The following NAF1 variants were observed in gnomAD, a reference collection of about 807,000 sequenced individuals.
The protein encoded by NAF1 is H/ACA ribonucleoprotein complex non-core subunit NAF1.
A neutral mutation model predicts 40.6 loss-of-function variants in NAF1; 11 were observed. The observed-to-expected ratio is 0.27, with a 90% CI of 0.17 to 0.45. The LOEUF (loss-of-function observed/expected upper bound fraction) is 0.45. Ranked by LOEUF, NAF1 falls within the 20% of genes least tolerant of loss-of-function variation. NAF1 has a pLI of 1.00. For synonymous variants in NAF1, 260 were observed against 228.5 expected, an observed-to-expected ratio of 1.14 and a Z score of -1.24; for missense variants, 607 against 611.1, an observed-to-expected ratio of 0.99 and a Z score of 0.07.
At chr4:163,150,357 CCA>C (rs1731650297) in intron 2 of NAF1, among the ~76,000 whole-genome samples, 1 of 152,052 alleles carries the variant, frequency 6.6e-6, no homozygotes, top group Non-Finnish European at 1.5e-5. Context: ...TTTCAACCAC[CCA>C]GTGCCAAGCC....
intron 2 of NAF1, among the ~76,000 whole-genome samples, chr4:163,119,018 T>C (rs1282012847): frequency 6.6e-6 from 1 of 152,194 alleles, no homozygotes; most frequent in East Asian, 1.9e-4. Flanking sequence ...ATAAGACTTA[T>C]ATATAAACTT....
chr4:163,132,152 G>T (rs937200987), intron 7 of NAF1, among the ~76,000 whole-genome samples: 1 of 152,272 alleles, frequency 6.6e-6, no homozygotes, highest in Admixed American at 6.5e-5. Context: ...GAACAGTATG[G>T]TAGTTTCTTA....
intron 2 of NAF1, among the ~76,000 whole-genome samples, chr4:163,152,473 T>C (rs1049021508): frequency 5.3e-5 from 8 of 152,192 alleles, no homozygotes; most frequent in Non-Finnish European, 1.0e-4. Flanking sequence ...TCAAAAACAG[T>C]GTCTGGCAGG....
At chr4:163,157,003 T>TAGGAA (rs889690024) in intron 2 of NAF1, 22 of 151,722 alleles carry the variant, frequency 1.5e-4, no homozygotes, top group African/African-American at 5.3e-4. Flanking sequence ...TAACAAAGAG[T>TAGGAA]AGGAAAGGAA....
intron 2 of NAF1, among the ~76,000 whole-genome samples, chr4:163,117,678 A>AACACACACACACAC (rs1332486402): frequency 2.3e-5 from 1 of 44,316 alleles, no homozygotes; most frequent in Admixed American, 2.1e-4. Context: ...CCCTGGAAGC[A>AACACACACACACAC]ATACACACAC....
At chr4:163,138,007 T>A (rs966635311) in intron 5 of NAF1, among the ~76,000 whole-genome samples, 2 of 152,160 alleles carry the variant, frequency 1.3e-5, no homozygotes, top group African/African-American at 2.4e-5. Flanking sequence ...CTTTTTAATT[T>A]TGTTAATTTC....
intron 2 of NAF1, among the ~76,000 whole-genome samples, chr4:163,155,542 T>A (rs958961516): frequency 1.3e-5 from 2 of 152,118 alleles, no homozygotes; most frequent in Non-Finnish European, 2.9e-5. Flanking sequence ...AACCTAATCT[T>A]CTCAAAAATA....
downstream of NAF1, chr4:163,109,951 G>C (rs1256528690): frequency 3.3e-6 from 1 of 305,190 alleles, no homozygotes; most frequent in Admixed American, 4.7e-5. Context: ...TTAAAATGCA[G>C]ATATGTAATC....
intron 4 of NAF1, chr4:163,144,134 G>T: frequency 2.3e-6 from 1 of 438,038 alleles, no homozygotes; most frequent in Non-Finnish European, 3.0e-6. Flanking sequence ...ATATGAGAAG[G>T]AAACAGATTT....
At chr4:163,148,553 C>A in intron 2 of NAF1, 119 bp from the exon 3 acceptor site, 1 of 653,090 alleles carries the variant, frequency 1.5e-6, no homozygotes. Flanking sequence ...CTTAGAGCAT[C>A]TCTTTAATGT....
Position 163,128,710 on chromosome 4 carries a change from T to C in NAF1, c.*187A>G. ...CATAATTTAATGTTCTCCCAAGAATTTGAGCTGACATTTTCATATGAATAC... is the reference window on the plus strand; with the variant it reads ...CATAATTTAATGTTCTCCCAAGAATCTGAGCTGACATTTTCATATGAATAC... On this transcript the variant is annotated 3_prime_UTR_variant, in exon 8 of 8. Coordinates refer to ENST00000274054, the MANE Select transcript of NAF1 (RefSeq NM_138386.3). 1 of 1,122,608 alleles carries C rather than the reference T, an allele frequency of 8.9e-7. No homozygotes were observed. Among genetic ancestry groups the C allele is most frequent in the Non-Finnish European group, 1.1e-6 (1 of 884,790 alleles). 69.5% of individuals were successfully genotyped at this position (1,122,608 alleles called of 1,614,324 possible). A position where few individuals can be genotyped will look rare whatever the true frequency, so the allele number is the denominator to read the frequency against.
intron 2 of NAF1, among the ~76,000 whole-genome samples, chr4:163,162,829 C>T (rs1434516935): frequency 6.6e-6 from 1 of 152,228 alleles, no homozygotes; most frequent in Non-Finnish European, 1.5e-5. Flanking sequence ...ATGGGAATTA[C>T]AAGGATCACA....
intron 2 of NAF1, among the ~76,000 whole-genome samples, chr4:163,149,814 G>A (rs2110983516): frequency 6.6e-6 from 1 of 152,256 alleles, no homozygotes; most frequent in African/African-American, 2.4e-5. Context: ...TTTTACAGAA[G>A]TTCTTAGCTA....
At chr4:163,158,330 G>A (rs939203536) in intron 2 of NAF1, 5 of 151,816 alleles carry the variant, frequency 3.3e-5, no homozygotes, top group African/African-American at 7.3e-5. Flanking sequence ...CTCTATAGCT[G>A]GTAAAACATA....
intron 4 of NAF1, among the ~76,000 whole-genome samples, 176 bp from the exon 5 acceptor site, chr4:163,140,559 CATATATTG>C (rs1424281089): frequency 2.0e-5 from 3 of 152,110 alleles, no homozygotes; most frequent in Non-Finnish European, 4.4e-5. Flanking sequence ...ATTCAGTCTT[CATATATTG>C]ATTAAAATGC....
chr4:163,110,375 T>G (rs752811764), intron 2 of NAF1: 10 of 655,392 alleles, frequency 1.5e-5, no homozygotes, highest in Non-Finnish European at 2.7e-5. Context: ...TTGTTATAAT[T>G]GTCCTATTGT....
At chr4:163,154,903 AC>A (rs1277461647) in intron 2 of NAF1, among the ~76,000 whole-genome samples, 6 of 151,612 alleles carry the variant, frequency 4.0e-5, no homozygotes, top group Non-Finnish European at 8.8e-5. Context: ...AAAAAAAAAA[AC>A]AGAGCGAGAG....
intron 5 of NAF1, among the ~76,000 whole-genome samples, chr4:163,139,392 A>G (rs1008535140): frequency 6.6e-6 from 1 of 152,074 alleles, no homozygotes; most frequent in Non-Finnish European, 1.5e-5. Flanking sequence ...TCCACTCCCA[A>G]TTTGAAAATA....
At chr4:163,116,628 C>A (rs575334362) in intron 2 of NAF1, among the ~76,000 whole-genome samples, 1 of 152,248 alleles carries the variant, frequency 6.6e-6, no homozygotes, top group South Asian at 2.1e-4. Flanking sequence ...GCTACAAGCT[C>A]AGATCCTGGG....
Sources: gnomAD v4.1 joint callset for allele counts (sites outside exome capture counted in the v4.1 genomes callset) on GRCh38, gnomAD v4.1.1 for gene constraint, MANE v1.5 for transcripts, NCBI Gene and HGNC (gene_info 2026-07-23, HGNC 2026-07-21) for gene names.